CSMD1: variants seen among roughly 807,000 people sequenced by gnomAD.
CSMD1 encodes the protein CUB and Sushi multiple domains 1.
In CSMD1, 213 loss-of-function variants were observed where a neutral mutation model predicts 417.5. That is an observed-to-expected ratio of 0.51 (90% CI 0.46 to 0.57). The LOEUF (loss-of-function observed/expected upper bound fraction) is 0.57. Ranked by LOEUF, CSMD1 falls within the 20% of genes least tolerant of loss-of-function variation. The pLI is 0.00. For missense variants in CSMD1, 6,923 were observed against 4,529.7 expected, an observed-to-expected ratio of 1.53 and a Z score of -15.17; for synonymous variants, 2,862 against 1,736.8, an observed-to-expected ratio of 1.65 and a Z score of -16.11.
chr8:4,003,950 C>CA (rs909370110), intron 4 of CSMD1, among the ~76,000 whole-genome samples: 72 of 140,728 alleles, frequency 5.1e-4, no homozygotes, highest in African/African-American at 1.8e-3. Flanking sequence ...CAGAACAAAA[C>CA]AAAAAAACCA....
intron 3 of CSMD1, among the ~76,000 whole-genome samples, chr8:4,213,258 A>G (rs912139711): frequency 1.3e-5 from 2 of 152,296 alleles, no homozygotes; most frequent in Non-Finnish European, 1.5e-5. Context: ...TCTGTCAGCA[A>G]GTGAGGCGGG....
chr8:4,990,451 C>T (rs972950114), intron 1 of CSMD1, among the ~76,000 whole-genome samples: 9 of 152,076 alleles, frequency 5.9e-5, no homozygotes, highest in East Asian at 1.9e-4. Flanking sequence ...GCAACCTCCA[C>T]CTCCCGGGTT....
chr8:3,445,347 C>T (rs1002254903), intron 12 of CSMD1, among the ~76,000 whole-genome samples: 3 of 152,096 alleles, frequency 2.0e-5, no homozygotes, highest in East Asian at 1.9e-4. Flanking sequence ...TGCAGATTGA[C>T]GTGTATACAT....
intron 3 of CSMD1, among the ~76,000 whole-genome samples, chr8:4,039,677 T>C (rs1351336848): frequency 1.3e-5 from 2 of 152,150 alleles, no homozygotes; most frequent in South Asian, 2.1e-4. Flanking sequence ...AATAACTCAA[T>C]GAGGAAGTGA....
chr8:4,108,610 C>A (rs1208433657), intron 3 of CSMD1, among the ~76,000 whole-genome samples: 2 of 152,206 alleles, frequency 1.3e-5, no homozygotes, highest in Admixed American at 6.5e-5. Context: ...AGCACAGGTT[C>A]CCGGCCCGAG....
chr8:3,975,686 T>C (rs1813385107), intron 5 of CSMD1, among the ~76,000 whole-genome samples: 1 of 152,190 alleles, frequency 6.6e-6, no homozygotes, highest in South Asian at 2.1e-4. Flanking sequence ...CAGGAGATGA[T>C]GGATTTAAAA....
intron 5 of CSMD1, among the ~76,000 whole-genome samples, chr8:3,971,105 G>A (rs1813054486): frequency 6.6e-6 from 1 of 152,156 alleles, no homozygotes; most frequent in Non-Finnish European, 1.5e-5. Context: ...ATAGAACCAT[G>A]TGATCCAACA....
At chr8:4,320,340 G>A (rs889928041) in intron 3 of CSMD1, among the ~76,000 whole-genome samples, 3 of 152,084 alleles carry the variant, frequency 2.0e-5, no homozygotes, top group Non-Finnish European at 2.9e-5. Flanking sequence ...CCTTCCACAA[G>A]TCATCACACA....
intron 5 of CSMD1, among the ~76,000 whole-genome samples, chr8:3,956,271 A>G (rs1811939336): frequency 1.3e-5 from 2 of 152,216 alleles, no homozygotes; most frequent in Non-Finnish European, 2.9e-5. Context: ...TTGACTTTTA[A>G]AACAATGAAA....
At chr8:4,159,652 G>C (rs184309426) in intron 3 of CSMD1, among the ~76,000 whole-genome samples, 4 of 152,092 alleles carry the variant, frequency 2.6e-5, no homozygotes, top group Non-Finnish European at 5.9e-5. Flanking sequence ...ACAGTGGCGC[G>C]ATCTCGGCTC....
chr8:3,472,313 T>C (rs1042566591), intron 11 of CSMD1, among the ~76,000 whole-genome samples: 3 of 152,086 alleles, frequency 2.0e-5, no homozygotes, highest in African/African-American at 7.2e-5. Context: ...CACTGCAACA[T>C]CTTTTAACTA....
At chr8:3,613,337 C>T in intron 8 of CSMD1, 1 of 405,164 alleles carries the variant, frequency 2.5e-6, no homozygotes, top group South Asian at 1.8e-5. Context: ...AAACATTTAG[C>T]AATGAAATAT....
At chr8:4,579,596 T>C (rs1206599799) in intron 2 of CSMD1, among the ~76,000 whole-genome samples, 2 of 152,098 alleles carry the variant, frequency 1.3e-5, no homozygotes, top group African/African-American at 4.8e-5. Flanking sequence ...GATCCTCACC[T>C]CATGATCCAC....
At chr8:4,061,242 T>C (rs1231528895) in intron 3 of CSMD1, among the ~76,000 whole-genome samples, 1 of 152,190 alleles carries the variant, frequency 6.6e-6, no homozygotes, top group African/African-American at 2.4e-5. Context: ...AAAGAGGAGC[T>C]GTTCTAAGTT....
At chr8:3,317,262 T>G (rs2117455189) in intron 23 of CSMD1, among the ~76,000 whole-genome samples, 1 of 152,304 alleles carries the variant, frequency 6.6e-6, no homozygotes, top group East Asian at 1.9e-4. Flanking sequence ...TATGAAATAA[T>G]TAAAAATAAA....
chr8:4,309,457 G>C (rs939920899), intron 3 of CSMD1, among the ~76,000 whole-genome samples: 1 of 143,278 alleles, frequency 7.0e-6, no homozygotes, highest in East Asian at 1.9e-4. Flanking sequence ...TATTATGAAA[G>C]ACGAGAAAAA....
At chr8:3,391,657 C>T (rs750928880) in intron 17 of CSMD1, among the ~76,000 whole-genome samples, 5 of 152,142 alleles carry the variant, frequency 3.3e-5, no homozygotes, top group African/African-American at 4.8e-5. Context: ...ATGACTTCAA[C>T]CTTTGAGCCA....
intron 5 of CSMD1, among the ~76,000 whole-genome samples, chr8:3,781,690 A>G (rs1584988850): frequency 6.6e-6 from 1 of 152,218 alleles, no homozygotes; most frequent in East Asian, 1.9e-4. Flanking sequence ...CCTGGACTCC[A>G]GCCTACGGAG....
intron 3 of CSMD1, among the ~76,000 whole-genome samples, chr8:4,205,762 G>C (rs1157800257): frequency 2.0e-5 from 3 of 151,896 alleles, no homozygotes; most frequent in Non-Finnish European, 2.9e-5. Flanking sequence ...ACAGCTGTTT[G>C]GGCCATAGAA....
Sources: gnomAD v4.1 joint callset for allele counts (sites outside exome capture counted in the v4.1 genomes callset) on GRCh38, gnomAD v4.1.1 for gene constraint, MANE v1.5 for transcripts, NCBI Gene and HGNC (gene_info 2026-07-23, HGNC 2026-07-21) for gene names.